Variants in NKAIN2 observed in about 807,000 individuals in gnomAD.
NKAIN2 encodes the protein sodium/potassium-transporting ATPase subunit beta-1-interacting protein 2.
NKAIN2 carries 14 observed loss-of-function variants against 32.6 expected under a neutral mutation model. The ratio of observed to expected loss-of-function variants is 0.43; its 90% confidence interval spans 0.28 to 0.67. The LOEUF is 0.67. NKAIN2 is among the 30% of genes least tolerant of loss of function. The pLI, the probability that NKAIN2 is intolerant of heterozygous loss-of-function variation, is 0.17. For missense variants in NKAIN2, 198 were observed against 258.3 expected, an observed-to-expected ratio of 0.77 and a Z score of 1.60; for synonymous variants, 80 against 87.2, an observed-to-expected ratio of 0.92 and a Z score of 0.46.
intron 1 of NKAIN2, among the ~76,000 whole-genome samples, chr6:124,135,259 A>G (rs1786698299): frequency 6.6e-6 from 1 of 152,090 alleles, no homozygotes; most frequent in South Asian, 2.1e-4. Flanking sequence ...TGATGAATAG[A>G]ACAGTACCTC....
At chr6:123,910,257 T>C (rs1442602165) in intron 1 of NKAIN2, among the ~76,000 whole-genome samples, 2 of 152,166 alleles carry the variant, frequency 1.3e-5, no homozygotes, top group African/African-American at 4.8e-5. Context: ...TATAAAACAC[T>C]GTATGTACAG....
chr6:123,970,857 G>C (rs556090630), intron 1 of NKAIN2, among the ~76,000 whole-genome samples: 1 of 151,970 alleles, frequency 6.6e-6, no homozygotes, highest in Non-Finnish European at 1.5e-5. Flanking sequence ...ACTCCAGCCT[G>C]GTCGACGAAG....
chr6:124,007,900 C>T (rs1780147455), intron 1 of NKAIN2, among the ~76,000 whole-genome samples: 2 of 152,176 alleles, frequency 1.3e-5, no homozygotes, highest in Non-Finnish European at 2.9e-5. Context: ...TGCATGATCT[C>T]ATGGTTCCTT....
intron 1 of NKAIN2, among the ~76,000 whole-genome samples, chr6:124,238,313 T>A (rs1021074773): frequency 1.3e-5 from 2 of 152,134 alleles, no homozygotes; most frequent in African/African-American, 4.8e-5. Context: ...AATCTTATAC[T>A]TTTTAATGTT....
chr6:124,526,840 T>C (rs1008355296), intron 3 of NKAIN2, among the ~76,000 whole-genome samples: 1 of 152,186 alleles, frequency 6.6e-6, no homozygotes, highest in African/African-American at 2.4e-5. Context: ...AGTGGGGTAG[T>C]GTATGTGATG....
intron 4 of NKAIN2, among the ~76,000 whole-genome samples, chr6:124,694,225 T>C (rs1257337222): frequency 6.6e-6 from 1 of 152,190 alleles, no homozygotes; most frequent in East Asian, 1.9e-4. Flanking sequence ...CACCCTGGCA[T>C]TCATGATTCT....
chr6:123,917,266 A>G (rs1176892169), intron 1 of NKAIN2, among the ~76,000 whole-genome samples: 1 of 152,054 alleles, frequency 6.6e-6, no homozygotes, highest in Non-Finnish European at 1.5e-5. Flanking sequence ...TTCCATTAGC[A>G]TAAATATAAC....
chr6:124,354,275 C>T (rs1798866865), intron 2 of NKAIN2, among the ~76,000 whole-genome samples: 1 of 152,100 alleles, frequency 6.6e-6, no homozygotes, highest in Non-Finnish European at 1.5e-5. Flanking sequence ...AAAAGTCACT[C>T]TCATTTGATT....
chr6:124,189,251 T>C (rs750853038), intron 1 of NKAIN2, among the ~76,000 whole-genome samples: 26 of 152,162 alleles, frequency 1.7e-4, no homozygotes, highest in Non-Finnish European at 3.7e-4. Flanking sequence ...AAAGTAAGAA[T>C]GGCCTTTAAA....
chr6:124,134,564 G>C (rs148233562), intron 1 of NKAIN2, among the ~76,000 whole-genome samples: 57 of 152,222 alleles, frequency 3.7e-4, no homozygotes, highest in Non-Finnish European at 7.9e-4. Flanking sequence ...CATGCCTGCA[G>C]TCTCAGCTAC....
intron 1 of NKAIN2, among the ~76,000 whole-genome samples, chr6:123,998,490 A>C (rs755792465): frequency 2.0e-5 from 3 of 152,126 alleles, no homozygotes; most frequent in Non-Finnish European, 4.4e-5. Context: ...TGAAATCGAA[A>C]ACCTGAAAAA....
chr6:124,750,003 T>C (rs1464940114), intron 4 of NKAIN2, among the ~76,000 whole-genome samples: 3 of 151,676 alleles, frequency 2.0e-5, no homozygotes, highest in Admixed American at 2.0e-4. Flanking sequence ...GTGATATAAT[T>C]GAAATAGCAT....
intron 1 of NKAIN2, among the ~76,000 whole-genome samples, chr6:123,988,535 CAGCCTCTTAA>C (rs1035885519): frequency 2.8e-4 from 43 of 152,178 alleles, no homozygotes; most frequent in Non-Finnish European, 2.6e-4. Flanking sequence ...CCCCAGCTTG[CAGCCTCTTAA>C]AGCTGTAAAA....
chr6:123,883,012 G>C (rs939612484), intron 1 of NKAIN2, among the ~76,000 whole-genome samples: 1 of 151,954 alleles, frequency 6.6e-6, no homozygotes, highest in Non-Finnish European at 1.5e-5. Context: ...TATTATACAC[G>C]CATTGATATG....
chr6:124,052,817 C>T (rs534239731), intron 1 of NKAIN2, among the ~76,000 whole-genome samples: 1 of 152,128 alleles, frequency 6.6e-6, no homozygotes, highest in East Asian at 1.9e-4. Context: ...TATTAGAGGG[C>T]ATATGTGAGA....
At chr6:124,616,437 C>CTTTTTTTTTTTTTTTTTTTTTTTT (rs79406895) in intron 3 of NKAIN2, among the ~76,000 whole-genome samples, 1 of 70,444 alleles carries the variant, frequency 1.4e-5, no homozygotes, top group Non-Finnish European at 2.6e-5. Flanking sequence ...TCTTTTCTTT[C>CTTTTTTTTTTTTTTTTTTTTTTTT]TTTTTTTTTT....
At position 123,994,783 on chromosome 6, in the gene NKAIN2, G is replaced by A. The variant is rs778501494; in HGVS notation, c.54+190529G>A. On this transcript the variant is annotated intron_variant, in intron 1 of 6. Transcript: ENST00000368417. ...CCCTCCATACATATTACAAATGCAC[G>A]TCTTTTATAAACCTGTATGTGTTTT... Among the ~76,000 whole-genome samples, 10 of 152,012 alleles carry A rather than the reference G, an allele frequency of 6.6e-5. No homozygotes were observed. The East Asian group carries it at 9.6e-4, about 15-fold the overall frequency.
intron 5 of NKAIN2, among the ~76,000 whole-genome samples, chr6:124,801,085 C>T (rs1780235368): frequency 6.6e-6 from 1 of 152,136 alleles, no homozygotes; most frequent in Non-Finnish European, 1.5e-5. Flanking sequence ...AAACCCGTCA[C>T]CCCGACTGTC....
chr6:124,488,750 C>A (rs762463145), intron 3 of NKAIN2, among the ~76,000 whole-genome samples: 2 of 151,938 alleles, frequency 1.3e-5, no homozygotes, highest in African/African-American at 4.8e-5. Flanking sequence ...ATGAATCCTG[C>A]AAGCAATATA....
Sources: gnomAD v4.1 joint callset for allele counts (sites outside exome capture counted in the v4.1 genomes callset) on GRCh38, gnomAD v4.1.1 for gene constraint, MANE v1.5 for transcripts, NCBI Gene and HGNC (gene_info 2026-07-23, HGNC 2026-07-21) for gene names.